The following FAF1 variants were observed in gnomAD, a reference collection of about 807,000 sequenced individuals.
The protein encoded by FAF1 is Fas associated factor 1, also known as FAS-associated factor 1.
In FAF1, 25 loss-of-function variants were observed where a neutral mutation model predicts 92.5. That is an observed-to-expected ratio of 0.27 (90% CI 0.20 to 0.38). The LOEUF (loss-of-function observed/expected upper bound fraction) is 0.38, where lower values mean the gene tolerates loss of function less well. Among genes scored for constraint, FAF1 ranks in the 10% least tolerant of loss-of-function variants. The probability of loss-of-function intolerance (pLI) is 1.00; values close to 1 mark genes in which losing one functional copy is unlikely to be tolerated. For synonymous variants in FAF1, 234 were observed against 273.2 expected (o/e 0.86, Z 1.42); for missense variants, 636 against 793.3 (o/e 0.80, Z 2.38).
intron 18 of FAF1, among the ~76,000 whole-genome samples, chr1:50,465,169 T>C (rs1050928559): frequency 6.6e-6 from 1 of 152,242 alleles, no homozygotes; most frequent in African/African-American, 2.4e-5. Context: ...TGATCTTGGT[T>C]AAAACACTTA....
At position 50,539,798 on chromosome 1, in the gene FAF1, G is replaced by T. The variant is rs1648675995; in HGVS notation, c.1269-70C>A. 60 of 1,096,330 alleles carry T rather than the reference G, an allele frequency of 5.5e-5. No individual in the cohort carries two copies. The South Asian group carries it at 7.4e-4, about 13-fold the overall frequency. The allele number at this position is 1,096,330 out of a possible 1,614,324, so 67.9% of individuals were successfully genotyped here. A position where few individuals can be genotyped will look rare whatever the true frequency, so the allele number is the denominator to read the frequency against. Reference sequence around the variant, plus strand: ...ATAGATTTACTAGTACTTCAACAAAGAACTCATTGTGTTATTAGTTATGTT... The same window carrying T: ...ATAGATTTACTAGTACTTCAACAAATAACTCATTGTGTTATTAGTTATGTT... On this transcript the variant is annotated intron_variant, in intron 13 of 18. Transcript: ENST00000396153.
intron 13 of FAF1, among the ~76,000 whole-genome samples, chr1:50,546,848 C>T (rs1439364923): frequency 2.6e-5 from 4 of 152,156 alleles, no homozygotes; most frequent in African/African-American, 7.2e-5. Flanking sequence ...AAGTCCCTTA[C>T]ATGAAGAAAA....
chr1:50,527,515 A>G (rs1186756371), intron 15 of FAF1, among the ~76,000 whole-genome samples: 1 of 152,208 alleles, frequency 6.6e-6, no homozygotes, highest in African/African-American at 2.4e-5. Context: ...ATCTTTTAAA[A>G]TTTAACTCAG....
chr1:50,612,520 C>T (rs550100299), intron 8 of FAF1: 7 of 982,256 alleles, frequency 7.1e-6, no homozygotes, highest in Non-Finnish European at 3.6e-6. Flanking sequence ...ACCAACGAGC[C>T]ACTTGGCTCA....
At position 50,726,851 on chromosome 1, in the gene FAF1, A is replaced by G. The variant is rs750241401; in HGVS notation, c.551+12012T>C. Among the ~76,000 whole-genome samples the G allele has an allele frequency of 6.4e-4, 98 of 152,226 alleles. 2 individuals carry two copies. The highest frequency in any genetic ancestry group is 1.0e-4 in the Non-Finnish European group (7 of 68,006). ...CTCAAAAAAGAAAGAAAGAAAAGAA[A>G]ATGTACATAATTAAAATGGAACTAG... On this transcript the variant is annotated intron_variant, in intron 6 of 18. Coordinates refer to ENST00000396153, the MANE Select transcript of FAF1 (RefSeq NM_007051.3).
intron 1 of FAF1, among the ~76,000 whole-genome samples, chr1:50,891,243 T>C (rs1345354299): frequency 2.0e-5 from 3 of 152,202 alleles, no homozygotes; most frequent in Non-Finnish European, 4.4e-5. Flanking sequence ...ACATTGGTTA[T>C]TCTAGTTAGC....
intron 4 of FAF1, among the ~76,000 whole-genome samples, chr1:50,778,298 C>T (rs938011973): frequency 2.0e-5 from 3 of 151,940 alleles, no homozygotes; most frequent in South Asian, 2.1e-4. Flanking sequence ...AGGCTTCTAA[C>T]GTGCAATAAA....
chr1:50,777,953 C>T (rs1661025527), intron 4 of FAF1, among the ~76,000 whole-genome samples: 1 of 152,146 alleles, frequency 6.6e-6, no homozygotes. Flanking sequence ...TCAGCAGCTC[C>T]ACTTGAAGGT....
intron 1 of FAF1, among the ~76,000 whole-genome samples, chr1:50,904,059 G>A (rs1027345428): frequency 8.5e-5 from 13 of 152,322 alleles, no homozygotes; most frequent in African/African-American, 2.6e-4. Flanking sequence ...GATTCCAACA[G>A]ATATTTGTAT....
chr1:50,800,135 T>C (rs1389832596), intron 3 of FAF1, among the ~76,000 whole-genome samples: 2 of 152,220 alleles, frequency 1.3e-5, no homozygotes, highest in African/African-American at 4.8e-5. Flanking sequence ...ATCAGTTTAA[T>C]ACTGAATTTC....
intron 2 of FAF1, among the ~76,000 whole-genome samples, chr1:50,854,423 C>A (rs1486109276): frequency 1.3e-5 from 2 of 151,916 alleles, no homozygotes; most frequent in Non-Finnish European, 2.9e-5. Flanking sequence ...TAACTCTAAG[C>A]GCAGGACAAT....
At chr1:50,507,601 T>TA (rs1647074623) in intron 15 of FAF1, among the ~76,000 whole-genome samples, 1 of 152,156 alleles carries the variant, frequency 6.6e-6, no homozygotes, top group Admixed American at 6.5e-5. Flanking sequence ...CCTGTAGTCC[T>TA]AGCTACTCAG....
intron 1 of FAF1, among the ~76,000 whole-genome samples, chr1:50,866,937 T>G (rs899945187): frequency 2.0e-5 from 3 of 152,066 alleles, no homozygotes; most frequent in South Asian, 2.1e-4. Context: ...AACTTCAAAC[T>G]ATACTACAAG....
chr1:50,559,178 G>C (rs1006797663), intron 13 of FAF1, among the ~76,000 whole-genome samples: 2 of 151,946 alleles, frequency 1.3e-5, no homozygotes, highest in South Asian at 4.1e-4. Flanking sequence ...TTGAACCCAG[G>C]AGGTGGAGTT....
chr1:50,597,246 T>G (rs1447712738), intron 8 of FAF1, among the ~76,000 whole-genome samples: 1 of 152,162 alleles, frequency 6.6e-6, no homozygotes, highest in Non-Finnish European at 1.5e-5. Flanking sequence ...AAACATGACT[T>G]TAGCAGAAAC....
chr1:50,519,235 C>T (rs893141885), intron 15 of FAF1, among the ~76,000 whole-genome samples: 1 of 151,898 alleles, frequency 6.6e-6, no homozygotes, highest in African/African-American at 2.4e-5. Flanking sequence ...GGGGCTGAGG[C>T]AGGAGAATCG....
Position 50,442,208 on chromosome 1 carries a change from C to T in FAF1, c.1870-685G>A, listed in dbSNP as rs1282891786. 3.9e-5 allele frequency among the ~76,000 whole-genome samples: 6 copies of T among 152,106 alleles called. 1 individual carries two copies. The Middle Eastern group carries it at 0.01, about 259-fold the overall frequency. ...ATTAGGTTTATGCCCTCCTAGGCAA[C>T]GGGCAGGGATGGGACATGAAGGTCT... On this transcript the variant is annotated intron_variant, in intron 18 of 18. Coordinates refer to ENST00000396153, the MANE Select transcript of FAF1 (RefSeq NM_007051.3).
intron 4 of FAF1, among the ~76,000 whole-genome samples, chr1:50,773,678 G>C (rs1660851271): frequency 6.6e-6 from 1 of 152,102 alleles, no homozygotes; most frequent in Non-Finnish European, 1.5e-5. Context: ...AGAGGCAAAG[G>C]CATACAGTGA....
At chr1:50,664,293 G>A (rs1380634752) in intron 7 of FAF1, among the ~76,000 whole-genome samples, 2 of 149,712 alleles carry the variant, frequency 1.3e-5, no homozygotes, top group African/African-American at 2.5e-5. Context: ...ACTGTGCCCG[G>A]CCAATCTTTA....
Sources: allele counts gnomAD v4.1 joint callset (sites outside exome capture counted in the v4.1 genomes callset), GRCh38; gene constraint gnomAD v4.1.1; transcripts MANE v1.5; gene names NCBI Gene and HGNC (gene_info 2026-07-23, HGNC 2026-07-21).